Variants in TMPO observed in about 807,000 individuals in gnomAD.
TMPO encodes the protein LEM domain containing 4.
In TMPO, 22 loss-of-function variants were observed where a neutral mutation model predicts 45.4. The observed-to-expected ratio is 0.48, with a 90% CI of 0.35 to 0.69. The LOEUF is 0.69. TMPO is among the 30% of genes least tolerant of loss of function. TMPO has a pLI of 0.01. For missense variants in TMPO, 512 were observed against 548.8 expected, an observed-to-expected ratio of 0.93 and a Z score of 0.67; for synonymous variants, 241 against 204.1, an observed-to-expected ratio of 1.18 and a Z score of -1.54.
In TMPO at chr12:98,531,660, C is replaced by G. The variant is rs761585590; in HGVS notation, c.407-20C>G. 3.1e-6 allele frequency: 5 copies of G among 1,611,594 alleles called. No individual in the cohort carries two copies. In the East Asian group the frequency reaches 8.9e-5, roughly 29 times the overall value. ...AAATGAAACAATACAGGTACTAAAGCAAGTTCTGCCTTAATCCAGGAACAA... is the reference window on the plus strand; with the variant it reads ...AAATGAAACAATACAGGTACTAAAGGAAGTTCTGCCTTAATCCAGGAACAA... On this transcript the variant is annotated intron_variant, in intron 2 of 8. Transcript: ENST00000556029.
intron 2 of TMPO, 72 bp from the exon 3 acceptor site, chr12:98,531,608 C>A: frequency 6.9e-7 from 1 of 1,459,792 alleles, no homozygotes; most frequent in Non-Finnish European, 9.6e-7. Flanking sequence ...TAAAATGTTG[C>A]TGAAGATAGT....
intron 1 of TMPO, chr12:98,527,657 C>A: frequency 2.1e-6 from 1 of 478,646 alleles, no homozygotes; most frequent in Non-Finnish European, 3.8e-6. Context: ...ACTATTTTAA[C>A]AACAATGTCT....
Position 98,547,963 on chromosome 12 carries a change from C to A in TMPO, c.*105C>A. On this transcript the variant is annotated 3_prime_UTR_variant, in exon 9 of 9. Coordinates refer to ENST00000556029, the MANE Select transcript of TMPO (RefSeq NM_001032283.3). Reference sequence around the variant, plus strand: ...CCAAGAACTAAAAATAATGTGATTTCGCCTCAATAAATGTAGTATTTCATT... The same window carrying A: ...CCAAGAACTAAAAATAATGTGATTTAGCCTCAATAAATGTAGTATTTCATT... 1.5e-6 allele frequency: 2 copies of A among 1,301,248 alleles called. No individual in the cohort carries two copies. Among genetic ancestry groups the A allele is most frequent in the Non-Finnish European group, 2.2e-6 (2 of 925,584 alleles). The allele number at this position is 1,301,248 out of a possible 1,614,324, so 80.6% of individuals were successfully genotyped here. A position where few individuals can be genotyped will look rare whatever the true frequency, so the allele number is the denominator to read the frequency against.
intron 6 of TMPO, 194 bp downstream of exon 6, chr12:98,544,731 AATTC>A: frequency 1.5e-6 from 1 of 646,358 alleles, no homozygotes; most frequent in South Asian, 2.0e-5. Context: ...AAAGAAATCT[AATTC>A]ATTGTACAAG....
At chr12:98,539,744 G>A (rs1210700469) in intron 4 of TMPO, among the ~76,000 whole-genome samples, 1 of 152,132 alleles carries the variant, frequency 6.6e-6, no homozygotes, top group African/African-American at 2.4e-5. Flanking sequence ...AGATTGCTGG[G>A]ATTACAGGCA....
intron 1 of TMPO, chr12:98,516,427 C>T (rs1875829414): frequency 1.7e-6 from 2 of 1,168,390 alleles, no homozygotes; most frequent in Non-Finnish European, 2.1e-6. Flanking sequence ...ACGCCGCTTC[C>T]CTGGACCACC....
rs1451365033 is a variant in TMPO, at chr12:98,515,762, G to C, written c.-106G>C. 1.9e-6 allele frequency: 3 copies of C among 1,545,168 alleles called. No individual in the cohort carries two copies. Among genetic ancestry groups the C allele is most frequent in the Non-Finnish European group, 2.6e-6 (3 of 1,145,098 alleles). Reference sequence around the variant, plus strand: ...TCCGCAGCGCTCTTCCCGGGCAGGAGCCGTGAGGCTCGGAGGCGGCAGCGC... The same window carrying C: ...TCCGCAGCGCTCTTCCCGGGCAGGACCCGTGAGGCTCGGAGGCGGCAGCGC... On this transcript the variant is annotated 5_prime_UTR_variant, in exon 1 of 9. Transcript: ENST00000556029.
chr12:98,547,946 T>C lies in TMPO; in HGVS notation c.*88T>C. On this transcript the variant is annotated 3_prime_UTR_variant, in exon 9 of 9. Coordinates refer to ENST00000556029, the MANE Select transcript of TMPO (RefSeq NM_001032283.3). ...GTGTACACTTGTTGACTCCAAGAAC[T>C]AAAAATAATGTGATTTCGCCTCAAT... 3.5e-6 allele frequency: 5 copies of C among 1,430,292 alleles called. No individual in the cohort carries two copies. The highest frequency in any genetic ancestry group is 4.8e-6 in the Non-Finnish European group (5 of 1,033,318). The allele number at this position is 1,430,292 out of a possible 1,614,324, so 88.6% of individuals were successfully genotyped here.
intron 3 of TMPO, chr12:98,534,502 A>G: frequency 1.4e-6 from 2 of 1,442,878 alleles, no homozygotes; most frequent in South Asian, 1.4e-5. Context: ...CCTGTGTAGA[A>G]CTACTTGTCT....
At chr12:98,522,778 C>T (rs1876465600) in intron 1 of TMPO, among the ~76,000 whole-genome samples, 1 of 152,202 alleles carries the variant, frequency 6.6e-6, no homozygotes, top group African/African-American at 2.4e-5. Flanking sequence ...TAGTGAAGAG[C>T]ATGCTTGAAC....
chr12:98,519,084 G>A (rs113822789), intron 1 of TMPO, among the ~76,000 whole-genome samples: 6 of 151,830 alleles, frequency 4.0e-5, no homozygotes, highest in Admixed American at 3.9e-4. Flanking sequence ...GGGTTTCACC[G>A]TGTTAGCCAG....
chr12:98,533,782 G>T, intron 3 of TMPO: 1 of 1,614,224 alleles, frequency 6.2e-7, no homozygotes, highest in South Asian at 1.1e-5. Flanking sequence ...ATGGCAGCAA[G>T]TTGACAGGCA....
intron 3 of TMPO, 38 bp downstream of exon 3, chr12:98,531,876 T>G: frequency 1.3e-6 from 2 of 1,563,596 alleles, no homozygotes; most frequent in Admixed American, 1.8e-5. Flanking sequence ...TGTATGGAAT[T>G]TTTTCACACT....
intron 1 of TMPO, among the ~76,000 whole-genome samples, chr12:98,522,116 C>T (rs1423344453): frequency 6.6e-6 from 1 of 152,026 alleles, no homozygotes; most frequent in African/African-American, 2.4e-5. Flanking sequence ...TCACTGCAGC[C>T]TCAAACTCCT....
At chr12:98,536,593 C>T (rs564151331) in intron 3 of TMPO, among the ~76,000 whole-genome samples, 4 of 152,144 alleles carry the variant, frequency 2.6e-5, no homozygotes, top group South Asian at 2.1e-4. Flanking sequence ...TCAGGTGATC[C>T]GCCCACCTCG....
chr12:98,544,491 G>A lies in TMPO; in HGVS notation c.833G>A (p.Ser278Asn), dbSNP rs1363474182. Residue 278 changes from serine (S) to asparagine (N), a missense_variant, in exon 6 of 9, where the codon AGT (serine) becomes AAT (asparagine). Physicochemically the swap from Ser to Asn is conservative, Grantham distance 46. Coordinates refer to ENST00000556029, the MANE Select transcript of TMPO (RefSeq NM_001032283.3). ...ATAGATGGTCCAGTAATTTCAGAGA[G>A]TACTCCCATAGCTGAAACTATAATG... ...FRIDGPVISE[S>N]TPIAETIMAS... 3.7e-6 allele frequency: 6 copies of A among 1,613,768 alleles called. No homozygotes were observed. Among genetic ancestry groups the A allele is most frequent in the Non-Finnish European group, 4.2e-6 (5 of 1,179,888 alleles).
intron 3 of TMPO, among the ~76,000 whole-genome samples, chr12:98,536,573 T>C (rs898241672): frequency 1.3e-5 from 2 of 152,062 alleles, no homozygotes; most frequent in African/African-American, 4.8e-5. Context: ...AGGATGGTCT[T>C]AAGCTGACCT....
Position 98,531,223 on chromosome 12 carries a change from A to G in TMPO, c.407-457A>G, listed in dbSNP as rs186521688. Reference sequence around the variant, plus strand: ...TGGAGGTGCTGGGATTACAGGCATCAGCCACCACGTCCTTTTTTTTTTTTT... The same window carrying G: ...TGGAGGTGCTGGGATTACAGGCATCGGCCACCACGTCCTTTTTTTTTTTTT... On this transcript the variant is annotated intron_variant, in intron 2 of 8. Transcript: ENST00000556029. Among the ~76,000 whole-genome samples the G allele has an allele frequency of 1.8e-3, 266 of 144,784 alleles. 1 individual carries two copies. Among genetic ancestry groups the G allele is most frequent in the African/African-American group, 6.3e-3 (251 of 39,558 alleles). 95.0% of individuals were successfully genotyped at this position (144,784 alleles called of 152,430 possible).
chr12:98,546,564 A>G, intron 8 of TMPO, 117 bp downstream of exon 8: 4 of 820,998 alleles, frequency 4.9e-6, no homozygotes, highest in Non-Finnish European at 8.4e-6. Context: ...TTTTGGAGCC[A>G]GGTACAATGG....
Sources: gnomAD v4.1 joint callset for allele counts (sites outside exome capture counted in the v4.1 genomes callset) on GRCh38, gnomAD v4.1.1 for gene constraint, MANE v1.5 for transcripts, NCBI Gene and HGNC (gene_info 2026-07-23, HGNC 2026-07-21) for gene names.